Variants in DLG2 observed in about 807,000 individuals in gnomAD.
DLG2 encodes discs large MAGUK scaffold protein 2.
DLG2 carries 45 observed loss-of-function variants against 132.5 expected under a neutral mutation model. The ratio of observed to expected loss-of-function variants is 0.34; its 90% confidence interval spans 0.27 to 0.44. DLG2 has a LOEUF of 0.44. Among genes scored for constraint, DLG2 ranks in the 20% least tolerant of loss-of-function variants. DLG2 has a pLI of 1.00. For missense variants in DLG2, 1,045 were observed against 1,196.9 expected (o/e 0.87, Z 1.87); for synonymous variants, 424 against 419.6 (o/e 1.01, Z -0.13).
chr11:84,651,935 T>A (rs1298418783), intron 6 of DLG2, among the ~76,000 whole-genome samples: 2 of 152,072 alleles, frequency 1.3e-5, no homozygotes, highest in Non-Finnish European at 2.9e-5. Flanking sequence ...GTGGTCAGAA[T>A]TATTGGAAGG....
chr11:83,719,222 A>G (rs2087661964), intron 18 of DLG2, among the ~76,000 whole-genome samples: 1 of 152,196 alleles, frequency 6.6e-6, no homozygotes, highest in South Asian at 2.1e-4. Flanking sequence ...ATGCAGTGTT[A>G]GAGGACTGAG....
intron 4 of DLG2, among the ~76,000 whole-genome samples, chr11:85,166,092 T>C (rs1297414727): frequency 1.3e-5 from 2 of 152,134 alleles, no homozygotes; most frequent in African/African-American, 4.8e-5. Context: ...TCTTCCACTT[T>C]CTCTGACATT....
intron 7 of DLG2, among the ~76,000 whole-genome samples, chr11:84,504,468 A>G (rs1297317124): frequency 6.6e-6 from 1 of 152,180 alleles, no homozygotes; most frequent in Non-Finnish European, 1.5e-5. Flanking sequence ...ATTTTAGTTC[A>G]GCATGTAAAA....
intron 15 of DLG2, among the ~76,000 whole-genome samples, chr11:83,914,249 AAAC>A (rs2076552908): frequency 6.6e-6 from 1 of 152,024 alleles, no homozygotes; most frequent in Non-Finnish European, 1.5e-5. Flanking sequence ...TGGCTGTAAA[AAAC>A]AATCTGGCAT....
At chr11:85,454,364 T>A (rs1467440313) in intron 3 of DLG2, among the ~76,000 whole-genome samples, 1 of 152,112 alleles carries the variant, frequency 6.6e-6, no homozygotes, top group Non-Finnish European at 1.5e-5. Flanking sequence ...CTTTGCCCAC[T>A]TTTTAATAGT....
At chr11:85,503,260 AC>A (rs1193081125) in intron 3 of DLG2, among the ~76,000 whole-genome samples, 3 of 152,122 alleles carry the variant, frequency 2.0e-5, no homozygotes, top group African/African-American at 7.2e-5. Flanking sequence ...GAAGGAAAAT[AC>A]TTTTCTTGAC....
At chr11:85,489,071 T>C (rs977169762) in intron 3 of DLG2, among the ~76,000 whole-genome samples, 1 of 152,092 alleles carries the variant, frequency 6.6e-6, no homozygotes, top group African/African-American at 2.4e-5. Context: ...AAAGCTCATA[T>C]ATCAGTATTA....
chr11:85,237,663 C>T (rs1438866418), intron 4 of DLG2, among the ~76,000 whole-genome samples: 3 of 152,044 alleles, frequency 2.0e-5, no homozygotes, highest in Middle Eastern at 3.2e-3. Flanking sequence ...AGACACACCT[C>T]ATTATACCCC....
At position 84,506,034 on chromosome 11, in the gene DLG2, G is replaced by A. The variant is rs531661848; in HGVS notation, c.519+28536C>T. Among the ~76,000 whole-genome samples, 71 of 150,940 alleles carry A rather than the reference G, an allele frequency of 4.7e-4. 2 individuals carry two copies. In the South Asian group the frequency reaches 0.013, roughly 28 times the overall value. Reference sequence around the variant, plus strand: ...AAGGACCTTGAGATGGCGAGTTTACGCTGGGTTACACAGTTTGCTCTAATG... The same window carrying A: ...AAGGACCTTGAGATGGCGAGTTTACACTGGGTTACACAGTTTGCTCTAATG... On this transcript the variant is annotated intron_variant, in intron 7 of 27. Coordinates refer to ENST00000376104, the MANE Select transcript of DLG2 (RefSeq NM_001142699.3).
intron 8 of DLG2, among the ~76,000 whole-genome samples, chr11:84,211,379 C>T (rs1248428754): frequency 6.6e-6 from 1 of 152,130 alleles, no homozygotes; most frequent in African/African-American, 2.4e-5. Context: ...GCCATATTCT[C>T]TATAAGAGAA....
chr11:84,669,508 C>T (rs1434884045), intron 6 of DLG2, among the ~76,000 whole-genome samples: 1 of 152,150 alleles, frequency 6.6e-6, no homozygotes, highest in Non-Finnish European at 1.5e-5. Flanking sequence ...TACTTATTTA[C>T]TAATGCATTC....
At chr11:84,941,253 A>C (rs1245750936) in intron 6 of DLG2, among the ~76,000 whole-genome samples, 1 of 152,160 alleles carries the variant, frequency 6.6e-6, no homozygotes, top group Non-Finnish European at 1.5e-5. Context: ...TGTTTTAGCT[A>C]TTTCTGTGAG....
chr11:84,335,574 G>A lies in DLG2; in HGVS notation c.520-84283C>T, dbSNP rs76864302. ...TGATTTACGTTTTCCAACAGTTTAC[G>A]GGTGTTTTATGTCATTACTACCTAC... On this transcript the variant is annotated intron_variant, in intron 7 of 27. Coordinates refer to ENST00000376104, the MANE Select transcript of DLG2 (RefSeq NM_001142699.3). Among the ~76,000 whole-genome samples, 265 of 152,216 alleles carry A rather than the reference G, an allele frequency of 1.7e-3. 8 individuals are homozygous for A. In the East Asian group the frequency reaches 0.043, roughly 25 times the overall value.
chr11:83,537,012 G>T (rs968037761), intron 20 of DLG2, among the ~76,000 whole-genome samples: 1 of 152,166 alleles, frequency 6.6e-6, no homozygotes, highest in Non-Finnish European at 1.5e-5. Context: ...TGAAGAGACA[G>T]ACCAAATCTC....
intron 6 of DLG2, among the ~76,000 whole-genome samples, chr11:84,931,542 G>A (rs2048089276): frequency 6.6e-6 from 1 of 152,070 alleles, no homozygotes; most frequent in Non-Finnish European, 1.5e-5. Context: ...ACTACATGAA[G>A]AAAACATACC....
At chr11:85,603,659 T>C (rs1591217596) in intron 2 of DLG2, among the ~76,000 whole-genome samples, 1 of 150,676 alleles carries the variant, frequency 6.6e-6, no homozygotes. Context: ...CTCACACCTA[T>C]AATTCCAGCA....
chr11:83,689,244 T>C (rs2153614221), intron 18 of DLG2, among the ~76,000 whole-genome samples: 1 of 152,162 alleles, frequency 6.6e-6, no homozygotes, highest in Non-Finnish European at 1.5e-5. Flanking sequence ...GAGTAGGAGA[T>C]ATTGAGATAT....
intron 20 of DLG2, among the ~76,000 whole-genome samples, chr11:83,540,523 G>C (rs1332475083): frequency 6.6e-6 from 1 of 152,162 alleles, no homozygotes; most frequent in Non-Finnish European, 1.5e-5. Flanking sequence ...GAACAGCTGA[G>C]GACCAGTGAG....
chr11:84,962,096 G>A (rs943093525), intron 6 of DLG2, among the ~76,000 whole-genome samples: 2 of 152,226 alleles, frequency 1.3e-5, no homozygotes, highest in Non-Finnish European at 2.9e-5. Context: ...CAATGGCAAC[G>A]GCCCAGGCCC....
Sources: allele counts gnomAD v4.1 joint callset (sites outside exome capture counted in the v4.1 genomes callset), GRCh38; gene constraint gnomAD v4.1.1; transcripts MANE v1.5; gene names NCBI Gene and HGNC (gene_info 2026-07-23, HGNC 2026-07-21).